LUZP2: variants seen among roughly 807,000 people sequenced by gnomAD.
LUZP2 encodes the protein leucine zipper protein 2.
In LUZP2, 52 loss-of-function variants were observed where a neutral mutation model predicts 51.6. The ratio of observed to expected loss-of-function variants is 1.01; its 90% CI spans 0.81 to 1.27. The LOEUF (loss-of-function observed/expected upper bound fraction) is 1.27. Ranked by LOEUF, LUZP2 falls within the 50% of genes most tolerant of loss-of-function variation. The pLI is 0.00. For missense variants in LUZP2, 436 were observed against 395.4 expected, an observed-to-expected ratio of 1.10 and a Z score of -0.87; for synonymous variants, 154 against 137.3, an observed-to-expected ratio of 1.12 and a Z score of -0.85.
chr11:24,592,767 G>T (rs1481306175), intron 1 of LUZP2, among the ~76,000 whole-genome samples: 2 of 151,814 alleles, frequency 1.3e-5, no homozygotes, highest in African/African-American at 2.4e-5. Context: ...GGCAATGAAG[G>T]TATTACCTAA....
At chr11:25,071,261 T>C (rs1313031296) in intron 10 of LUZP2, among the ~76,000 whole-genome samples, 1 of 152,050 alleles carries the variant, frequency 6.6e-6, no homozygotes, top group Non-Finnish European at 1.5e-5. Context: ...TATATTTATA[T>C]GTCTATTTTA....
rs1003859293 is a variant in LUZP2, at chr11:24,575,110, C to A, written c.62+77805C>A. Reference sequence around the variant, plus strand: ...CTCTCTTACCTTTTTAAGCTTCGACCATTTCAAATTTCAAGTCATTTTAAA... The same window carrying A: ...CTCTCTTACCTTTTTAAGCTTCGACAATTTCAAATTTCAAGTCATTTTAAA... On this transcript the variant is annotated intron_variant, in intron 1 of 11. Transcript: ENST00000336930. 3.9e-5 allele frequency among the ~76,000 whole-genome samples: 6 copies of A among 151,960 alleles called. No individual in the cohort carries two copies. In the East Asian group the frequency reaches 9.7e-4, roughly 24 times the overall value.
At chr11:24,668,399 C>T (rs1330406006) in intron 1 of LUZP2, among the ~76,000 whole-genome samples, 2 of 152,108 alleles carry the variant, frequency 1.3e-5, no homozygotes, top group Admixed American at 1.3e-4. Flanking sequence ...TGATAGTTCC[C>T]CATATAGTTT....
At chr11:24,670,511 CT>C (rs1233406012) in intron 1 of LUZP2, among the ~76,000 whole-genome samples, 2 of 151,948 alleles carry the variant, frequency 1.3e-5, no homozygotes, top group East Asian at 3.9e-4. Flanking sequence ...AATGGCAATT[CT>C]TTTAGTTGCA....
At chr11:24,844,150 C>T (rs556172890) in intron 5 of LUZP2, among the ~76,000 whole-genome samples, 5 of 152,260 alleles carry the variant, frequency 3.3e-5, no homozygotes, top group Admixed American at 2.6e-4. Context: ...AAGTTTGAAA[C>T]TCCATATAGA....
At chr11:24,594,568 A>G (rs1336614336) in intron 1 of LUZP2, among the ~76,000 whole-genome samples, 1 of 152,090 alleles carries the variant, frequency 6.6e-6, no homozygotes, top group Non-Finnish European at 1.5e-5. Flanking sequence ...CATACCTTGG[A>G]GGTTATTTTT....
chr11:25,075,649 T>A (rs531936970), intron 10 of LUZP2, among the ~76,000 whole-genome samples: 14 of 152,290 alleles, frequency 9.2e-5, no homozygotes, highest in African/African-American at 3.1e-4. Context: ...TGACTGAGTC[T>A]GTCTAGTAGT....
At chr11:24,940,913 T>A (rs1176661005) in intron 7 of LUZP2, among the ~76,000 whole-genome samples, 1 of 152,164 alleles carries the variant, frequency 6.6e-6, no homozygotes, top group African/African-American at 2.4e-5. Context: ...CCTCAGCAAA[T>A]GTAGTTGCCT....
intron 5 of LUZP2, among the ~76,000 whole-genome samples, chr11:24,875,929 T>C (rs867238169): frequency 0.045 from 6,647 of 149,370 alleles, 490 homozygotes; most frequent in African/African-American, 0.16. Flanking sequence ...TCATGTCCTT[T>C]GCCCACTTTT....
At chr11:24,584,659 T>G (rs992016039) in intron 1 of LUZP2, among the ~76,000 whole-genome samples, 1 of 152,170 alleles carries the variant, frequency 6.6e-6, no homozygotes, top group Non-Finnish European at 1.5e-5. Context: ...CTGGCATGTG[T>G]GTGTATGTGA....
At chr11:24,686,470 C>T (rs1856899372) in intron 1 of LUZP2, among the ~76,000 whole-genome samples, 1 of 152,132 alleles carries the variant, frequency 6.6e-6, no homozygotes, top group Admixed American at 6.5e-5. Flanking sequence ...ACCCTGTCCC[C>T]CATTCGTACA....
At chr11:24,599,653 T>C (rs1021785472) in intron 1 of LUZP2, among the ~76,000 whole-genome samples, 20 of 152,194 alleles carry the variant, frequency 1.3e-4, no homozygotes, top group African/African-American at 4.8e-4. Flanking sequence ...TTATTTTGTT[T>C]ATTGTCTTTT....
At chr11:24,946,061 A>G (rs1854890428) in intron 7 of LUZP2, among the ~76,000 whole-genome samples, 1 of 152,072 alleles carries the variant, frequency 6.6e-6, no homozygotes, top group Non-Finnish European at 1.5e-5. Context: ...ATAAGTAGAA[A>G]CATACAATAT....
At chr11:24,756,200 G>T (rs367894440) in intron 4 of LUZP2, among the ~76,000 whole-genome samples, 1 of 152,054 alleles carries the variant, frequency 6.6e-6, no homozygotes, top group African/African-American at 2.4e-5. Context: ...TTTTCAGACC[G>T]AACCAATGTG....
chr11:24,806,337 C>T (rs1849855992), intron 5 of LUZP2, among the ~76,000 whole-genome samples: 1 of 152,154 alleles, frequency 6.6e-6, no homozygotes, highest in Non-Finnish European at 1.5e-5. Context: ...GTAATATTTA[C>T]ATCACGGAAT....
In LUZP2 at chr11:25,043,494, A is replaced by C. The variant is rs142063763; in HGVS notation, c.766-6544A>C. On this transcript the variant is annotated intron_variant, in intron 9 of 11. Transcript: ENST00000336930. ...AATGACAACAACAACGAAAGCAAAA[A>C]GCACACTGCGATTTAGGTACTTTTT... Among the ~76,000 whole-genome samples the C allele has an allele frequency of 1.4e-3, 213 of 151,318 alleles. 1 individual carries two copies. Among genetic ancestry groups the C allele is most frequent in the African/African-American group, 4.9e-3 (205 of 41,426 alleles).
intron 5 of LUZP2, among the ~76,000 whole-genome samples, chr11:24,905,391 G>A (rs1291587547): frequency 6.6e-6 from 1 of 152,108 alleles, no homozygotes; most frequent in African/African-American, 2.4e-5. Flanking sequence ...AGCCAGGCAT[G>A]GTGGTGCACA....
At chr11:24,785,916 AG>A (rs1849233396) in intron 5 of LUZP2, 1 of 985,228 alleles carries the variant, frequency 1.0e-6, no homozygotes, top group African/African-American at 1.7e-5. Flanking sequence ...TATAACTAGC[AG>A]GAACTATAGA....
chr11:25,005,844 C>G (rs1486492396), intron 9 of LUZP2, among the ~76,000 whole-genome samples: 1 of 152,098 alleles, frequency 6.6e-6, no homozygotes, highest in South Asian at 2.1e-4. Flanking sequence ...TTTAGTGGCC[C>G]TTACCGACAC....
Sources: gnomAD v4.1 joint callset for allele counts (sites outside exome capture counted in the v4.1 genomes callset) on GRCh38, gnomAD v4.1.1 for gene constraint, MANE v1.5 for transcripts, NCBI Gene and HGNC (gene_info 2026-07-23, HGNC 2026-07-21) for gene names.